The following SLC14A2 variants were observed in gnomAD, a reference collection of about 807,000 sequenced individuals.
SLC14A2 encodes solute carrier family 14 member 2.
Under a neutral mutation model 104.6 loss-of-function variants are expected in SLC14A2, and 91 were observed. The observed-to-expected ratio is 0.87, with a 90% CI of 0.73 to 1.04. SLC14A2 has a LOEUF of 1.04. Ranked by LOEUF, SLC14A2 falls within the 50% of genes least tolerant of loss-of-function variation. The pLI is 0.00. For missense variants in SLC14A2, 1,189 were observed against 1,156.0 expected (o/e 1.03, Z -0.41); for synonymous variants, 476 against 466.4 (o/e 1.02, Z -0.27).
chr18:45,182,407 G>GA, the SLC14A2 span, among the ~76,000 whole-genome samples: 1 of 151,502 alleles, frequency 6.6e-6, no homozygotes, highest in Non-Finnish European at 1.5e-5. Flanking sequence ...GATTTAAAAG[G>GA]AAAAAATAAC....
intron 1 of SLC14A2, among the ~76,000 whole-genome samples, chr18:45,323,856 C>T (rs1347662595): frequency 6.6e-6 from 1 of 152,192 alleles, no homozygotes; most frequent in Non-Finnish European, 1.5e-5. Context: ...GGGGCATTTG[C>T]ACTAACAGAC....
chr18:45,242,667 C>A (rs1429436212), intron 1 of SLC14A2, among the ~76,000 whole-genome samples: 1 of 152,200 alleles, frequency 6.6e-6, no homozygotes, highest in African/African-American at 2.4e-5. Context: ...TGTGAATTCA[C>A]TTCTTAAGCA....
In SLC14A2 at chr18:45,644,022, G is replaced by A. The variant is rs1447691639; in HGVS notation, c.1213G>A (p.Ala405Thr). Reference sequence around the variant, plus strand: ...ACCAGGCACCTGGGCCTTCTGCCTTGCCACCATCATCTTCCTGCTCCTGAC... The same window carrying A: ...ACCAGGCACCTGGGCCTTCTGCCTTACCACCATCATCTTCCTGCTCCTGAC... ...VPPGTWAFCL[A>T]TIIFLLLTTN... Residue 405 changes from alanine to threonine, a missense_variant, in exon 10 of 20, where the codon GCC becomes ACC. Physicochemically the swap from Ala to Thr is moderately conservative, Grantham distance 58 (BLOSUM62 0). Transcript: ENST00000255226. 1 of 1,614,112 alleles carries A rather than the reference G, an allele frequency of 6.2e-7. No individual in the cohort carries two copies. Among genetic ancestry groups the A allele is most frequent in the Admixed American group, 1.7e-5 (1 of 60,006 alleles).
intron 2 of SLC14A2, among the ~76,000 whole-genome samples, chr18:45,504,739 A>G (rs1201925842): frequency 6.6e-6 from 1 of 152,258 alleles, no homozygotes; most frequent in Non-Finnish European, 1.5e-5. Context: ...GGAACTTATT[A>G]AAACCAACAA....
At chr18:45,623,270 GGGAGATGAAAAGGTTCACT>G (rs1437679117) in intron 1 of SLC14A2, among the ~76,000 whole-genome samples, 1 of 152,198 alleles carries the variant, frequency 6.6e-6, no homozygotes, top group Non-Finnish European at 1.5e-5. Context: ...TGCTGAAAAG[GGGAGATGAAAAGGTTCACT>G]GGAGATGAGA....
chr18:45,626,603 C>G (rs182978529), intron 3 of SLC14A2, among the ~76,000 whole-genome samples: 20 of 152,194 alleles, frequency 1.3e-4, no homozygotes, highest in African/African-American at 4.8e-4. Flanking sequence ...CCCCCACCCC[C>G]CCACCTTCCC....
In SLC14A2 at chr18:45,343,855, G is replaced by A. The variant is rs150641253; in HGVS notation, c.-125+130664G>A. Among the ~76,000 whole-genome samples the A allele has an allele frequency of 4.0e-3, 614 of 152,202 alleles. 7 individuals carry two copies. Among genetic ancestry groups the A allele is most frequent in the African/African-American group, 0.014 (585 of 41,536 alleles). The stretch of plus-strand genomic sequence containing the variant: ...TACCAAATACATGAAGGATCCAGAA[G>A]GGACAATTTGTGGAGTGATGACAAG... On this transcript the variant is annotated intron_variant, in intron 1 of 20. Transcript: ENST00000586448.
At chr18:45,548,847 G>A (rs1163046864) in intron 2 of SLC14A2, among the ~76,000 whole-genome samples, 2 of 152,208 alleles carry the variant, frequency 1.3e-5, no homozygotes, top group African/African-American at 4.8e-5. Context: ...TCCAGCCTTT[G>A]GTGATCTTTT....
chr18:45,376,148 T>A (rs1428170932), intron 1 of SLC14A2, among the ~76,000 whole-genome samples: 2 of 152,202 alleles, frequency 1.3e-5, no homozygotes, highest in East Asian at 3.8e-4. Context: ...TTGAGGCTTT[T>A]CTGGAGTTAA....
At chr18:45,245,210 G>T (rs2084357173) in intron 1 of SLC14A2, among the ~76,000 whole-genome samples, 1 of 152,166 alleles carries the variant, frequency 6.6e-6, no homozygotes, top group Non-Finnish European at 1.5e-5. Context: ...AGTGGGAAAG[G>T]GGTTTGAGGT....
At position 45,565,883 on chromosome 18, in the gene SLC14A2, GAAGA is replaced by G. The variant is rs2044259315; in HGVS notation, c.-34-58744_-34-58741del. 2.0e-5 allele frequency among the ~76,000 whole-genome samples: 3 copies of G among 152,322 alleles called. No homozygotes were observed. The South Asian group carries it at 6.2e-4, about 32-fold the overall frequency. On this transcript the variant is annotated intron_variant, in intron 2 of 20. Coordinates refer to the SLC14A2 transcript ENST00000586448. ...TCCCAGGCAGCCCTGACCCAGGAGA[GAAGA>G]AAGTTGCCTTGCCCTTTTACGCTGA...
chr18:45,472,861 G>A (rs891809611), intron 1 of SLC14A2, among the ~76,000 whole-genome samples: 1 of 152,134 alleles, frequency 6.6e-6, no homozygotes, highest in Non-Finnish European at 1.5e-5. Context: ...CTTTTGCTGT[G>A]CAGAAGCTCT....
At chr18:45,374,659 C>A (rs188829224) in intron 1 of SLC14A2, among the ~76,000 whole-genome samples, 11 of 152,246 alleles carry the variant, frequency 7.2e-5, no homozygotes, top group Non-Finnish European at 1.3e-4. Flanking sequence ...AGACTCCCAG[C>A]CTCAGCTGCT....
chr18:45,622,925 G>T (rs2045198359), intron 1 of SLC14A2, among the ~76,000 whole-genome samples: 1 of 152,178 alleles, frequency 6.6e-6, no homozygotes, highest in African/African-American at 2.4e-5. Flanking sequence ...AATCTACTCG[G>T]TTATTACCCT....
chr18:45,667,930 C>T lies in SLC14A2; in HGVS notation c.1815C>T (p.Leu605=), dbSNP rs763992524. 60 of 1,614,142 alleles carry T rather than the reference C, an allele frequency of 3.7e-5. No homozygotes were observed. The highest frequency in any genetic ancestry group is 4.6e-5 in the Non-Finnish European group (54 of 1,180,002). ...NNPLSGILII[L]GLFIQNPWWA... is the part of the protein sequence containing the mutation. ...CCCTCAGCGGCATCCTCATCATCCTCGGCCTCTTCATCCAGAACCCCTGGT... is the reference window on the plus strand; with the variant it reads ...CCCTCAGCGGCATCCTCATCATCCTTGGCCTCTTCATCCAGAACCCCTGGT... Residue 605 remains leucine (L), a synonymous_variant, in exon 14 of 20, where the codon CTC becomes CTT. Transcript: ENST00000255226.
At chr18:45,486,497 A>G (rs2087608649) in intron 2 of SLC14A2, among the ~76,000 whole-genome samples, 1 of 152,212 alleles carries the variant, frequency 6.6e-6, no homozygotes, top group Non-Finnish European at 1.5e-5. Context: ...TATTTTCAGC[A>G]TAACCAAAAA....
intron 2 of SLC14A2, among the ~76,000 whole-genome samples, chr18:45,606,740 AAAAAAAACAAAACAAAAAC>A (rs1179893091): frequency 1.4e-5 from 1 of 70,206 alleles, no homozygotes; most frequent in Non-Finnish European, 3.0e-5. Flanking sequence ...TAATTAAAAA[AAAAAAAACAAAACAAAAAC>A]AAAAAAAAAA....
At chr18:45,308,090 G>A (rs1452221123) in intron 1 of SLC14A2, among the ~76,000 whole-genome samples, 4 of 152,108 alleles carry the variant, frequency 2.6e-5, no homozygotes, top group Admixed American at 6.5e-5. Flanking sequence ...TCATTACCAC[G>A]AGGAGGGCAC....
At chr18:45,681,938 C>T (rs942683475) in intron 19 of SLC14A2, among the ~76,000 whole-genome samples, 4 of 152,216 alleles carry the variant, frequency 2.6e-5, no homozygotes, top group African/African-American at 4.8e-5. Context: ...GCCAAAGACA[C>T]TTCTCCAACA....
Sources: allele counts gnomAD v4.1 joint callset (sites outside exome capture counted in the v4.1 genomes callset), GRCh38; gene constraint gnomAD v4.1.1; transcripts MANE v1.5; gene names NCBI Gene and HGNC (gene_info 2026-07-23, HGNC 2026-07-21).